The following SNX29 variants were observed in gnomAD, a reference collection of about 807,000 sequenced individuals.
SNX29 encodes the protein sorting nexin-29.
SNX29 carries 78 observed loss-of-function variants against 102.1 expected under a neutral mutation model. The observed-to-expected ratio is 0.76, with a 90% CI of 0.64 to 0.92. SNX29 has a LOEUF of 0.92. Among genes scored for constraint, SNX29 ranks in the 40% least tolerant of loss-of-function variants. The pLI is 0.00. For missense variants in SNX29, 1,280 were observed against 1,061.7 expected (o/e 1.21, Z -2.86); for synonymous variants, 580 against 414.5 (o/e 1.40, Z -4.85).
intron 20 of SNX29, among the ~76,000 whole-genome samples, chr16:12,566,081 T>TC (rs1055549737): frequency 1.7e-4 from 26 of 152,296 alleles, no homozygotes; most frequent in Admixed American, 1.3e-3. Context: ...AGGCACTTGA[T>TC]CCCCATGATG....
In SNX29 at chr16:12,571,054, A is replaced by C; in HGVS notation, c.*2425A>C. 4.3e-6 allele frequency: 1 copy of C among 232,544 alleles called. No individual in the cohort carries two copies. The highest frequency in any genetic ancestry group is 6.1e-5 in the East Asian group (1 of 16,510). The allele number at this position is 232,544 out of a possible 1,614,324, so 14.4% of individuals were successfully genotyped here. A position where few individuals can be genotyped will look rare whatever the true frequency, so the allele number is the denominator to read the frequency against. On this transcript the variant is annotated 3_prime_UTR_variant, in exon 21 of 21. Transcript: ENST00000566228. ...ACCATCTCCTCTCATTCTCACTCTA[A>C]AAATGCTGGTGGCCCGCACATGACA...
intron 3 of SNX29, among the ~76,000 whole-genome samples, chr16:12,009,671 T>A (rs2151050140): frequency 6.6e-6 from 1 of 152,220 alleles, no homozygotes; most frequent in South Asian, 2.1e-4. Context: ...AATGCGCGCT[T>A]CTCTTTGTTG....
rs1365523826 is a variant in SNX29, at chr16:12,098,525, G to A, written c.1402+19610G>A. 6.6e-6 allele frequency among the ~76,000 whole-genome samples: 1 copy of A among 152,182 alleles called. No individual in the cohort carries two copies. The highest frequency in any genetic ancestry group is 1.5e-5 in the Non-Finnish European group (1 of 68,046). ...CAGCAGCACCCAGCTGCTTCCAGGT[G>A]TCTGTACACACCGTCGGTTTCATGT... On this transcript the variant is annotated intron_variant, in intron 11 of 20. Coordinates refer to ENST00000566228, the MANE Select transcript of SNX29 (RefSeq NM_032167.5). This position sits in a 1 kb window ranked among gnomAD's most constrained non-coding sequence, Gnocchi z 6.0.
intron 19 of SNX29, among the ~76,000 whole-genome samples, chr16:12,479,353 C>G (rs148983601): frequency 2.0e-3 from 303 of 152,358 alleles, no homozygotes; most frequent in Middle Eastern, 3.4e-3. Flanking sequence ...GTTTCCATAA[C>G]CCACTCCTGG....
At chr16:12,400,716 C>T (rs2083905710) in intron 17 of SNX29, among the ~76,000 whole-genome samples, 2 of 152,208 alleles carry the variant, frequency 1.3e-5, no homozygotes, top group Admixed American at 6.5e-5. Flanking sequence ...GGCATATATA[C>T]ACCTGACAAC....
At chr16:12,535,083 G>A (rs1487834882) in intron 20 of SNX29, among the ~76,000 whole-genome samples, 3 of 152,240 alleles carry the variant, frequency 2.0e-5, no homozygotes, top group African/African-American at 7.2e-5. Flanking sequence ...GAAAAAGAGA[G>A]AGGGAGGAGA....
chr16:12,097,650 G>A (rs978631070), intron 11 of SNX29, among the ~76,000 whole-genome samples: 1 of 152,092 alleles, frequency 6.6e-6, no homozygotes, highest in African/African-American at 2.4e-5. Context: ...CAGACTTTCA[G>A]GAAGGGCTGT....
intron 15 of SNX29, among the ~76,000 whole-genome samples, chr16:12,344,842 G>A (rs560960623): frequency 1.3e-5 from 2 of 152,302 alleles, no homozygotes; most frequent in East Asian, 1.9e-4. Flanking sequence ...ATCAATAGCC[G>A]TCCTCTGCAA....
chr16:12,447,927 A>T (rs2151701711), intron 18 of SNX29, among the ~76,000 whole-genome samples: 1 of 152,218 alleles, frequency 6.6e-6, no homozygotes, highest in Middle Eastern at 3.4e-3. Flanking sequence ...ATCCAATGGG[A>T]TAAAAACCTC....
intron 20 of SNX29, among the ~76,000 whole-genome samples, chr16:12,538,163 T>G (rs1334550116): frequency 6.6e-6 from 1 of 152,176 alleles, no homozygotes; most frequent in Non-Finnish European, 1.5e-5. Flanking sequence ...TCACCCAGAA[T>G]AGAGTGCAGT....
chr16:12,306,724 T>C (rs1262636104), intron 15 of SNX29, among the ~76,000 whole-genome samples: 24 of 152,248 alleles, frequency 1.6e-4, no homozygotes, highest in Non-Finnish European at 1.5e-5. Context: ...ATATTCAATA[T>C]TGCTTCCCCA....
At chr16:12,558,520 C>G (rs1394276351) in intron 20 of SNX29, among the ~76,000 whole-genome samples, 1 of 152,208 alleles carries the variant, frequency 6.6e-6, no homozygotes, top group Non-Finnish European at 1.5e-5. Context: ...ACTGTTTACC[C>G]CAGGGATGCA....
intron 20 of SNX29, among the ~76,000 whole-genome samples, chr16:12,538,593 T>G (rs2077182843): frequency 1.3e-5 from 2 of 152,094 alleles, no homozygotes; most frequent in African/African-American, 4.8e-5. Flanking sequence ...TGTCTGGGAA[T>G]CAGTAGGTGG....
intron 13 of SNX29, among the ~76,000 whole-genome samples, chr16:12,177,199 A>G (rs1250994692): frequency 1.3e-5 from 2 of 152,036 alleles, no homozygotes; most frequent in South Asian, 2.1e-4. Flanking sequence ...CGATCCTCCC[A>G]CCTCAGCCTC....
intron 13 of SNX29, among the ~76,000 whole-genome samples, chr16:12,177,770 T>C (rs1345316822): frequency 6.6e-6 from 1 of 152,148 alleles, no homozygotes; most frequent in Non-Finnish European, 1.5e-5. Context: ...TCTGTAACAG[T>C]GTTAACTTCA....
intron 20 of SNX29, chr16:12,557,808 A>AT (rs1464745224): frequency 1.3e-5 from 2 of 152,258 alleles, no homozygotes; most frequent in Admixed American, 1.3e-4. Context: ...TCACTATCAT[A>AT]TCTGCAGTCT....
At chr16:12,183,710 T>C (rs2141851655) in intron 13 of SNX29, among the ~76,000 whole-genome samples, 1 of 152,302 alleles carries the variant, frequency 6.6e-6, no homozygotes. Context: ...TAGGCTGCAT[T>C]CCCAGATGGT....
chr16:12,080,578 C>T (rs2051816448), intron 11 of SNX29, among the ~76,000 whole-genome samples: 1 of 152,198 alleles, frequency 6.6e-6, no homozygotes, highest in African/African-American at 2.4e-5. Context: ...TGAGGTCTCA[C>T]CATGCTGTCC....
chr16:12,363,068 A>G (rs980756834), intron 16 of SNX29, among the ~76,000 whole-genome samples: 3 of 152,180 alleles, frequency 2.0e-5, no homozygotes, highest in African/African-American at 7.2e-5. Context: ...AGCTCTCATC[A>G]TCAGATCCTT....
Sources: allele counts gnomAD v4.1 joint callset (sites outside exome capture counted in the v4.1 genomes callset), GRCh38; gene constraint gnomAD v4.1.1; non-coding constraint Gnocchi (gnomAD v3.1); transcripts MANE v1.5; gene names NCBI Gene and HGNC (gene_info 2026-07-23, HGNC 2026-07-21).